The following PSMC3 variants were observed in gnomAD, a reference collection of about 807,000 sequenced individuals.
The protein encoded by PSMC3 is proteasome 26S subunit, ATPase 3.
PSMC3 carries 11 observed loss-of-function variants against 52.0 expected under a neutral mutation model. That is an observed-to-expected ratio of 0.21 (90% CI 0.13 to 0.35). PSMC3 has a LOEUF of 0.35. Among genes scored for constraint, PSMC3 ranks in the 10% least tolerant of loss-of-function variants. PSMC3 has a pLI of 1.00. For missense variants in PSMC3, 238 were observed against 567.1 expected, an observed-to-expected ratio of 0.42 and a Z score of 5.89; for synonymous variants, 201 against 218.8, an observed-to-expected ratio of 0.92 and a Z score of 0.72.
At position 47,426,360 on chromosome 11, in the gene PSMC3, T is replaced by A; in HGVS notation, c.-81A>T. 1 of 1,295,660 alleles carries A rather than the reference T, an allele frequency of 7.7e-7. No individual in the cohort carries two copies. The highest frequency in any genetic ancestry group is 1.1e-6 in the Non-Finnish European group (1 of 942,932). 80.3% of individuals were successfully genotyped at this position (1,295,660 alleles called of 1,614,324 possible). ...ATACCGTCTTTCTTAAAGCCTTCTCTTGACCAGTGGAAAACCTCTCCCCAC... is the reference window on the plus strand; with the variant it reads ...ATACCGTCTTTCTTAAAGCCTTCTCATGACCAGTGGAAAACCTCTCCCCAC... On this transcript the variant is annotated 5_prime_UTR_variant, in exon 1 of 12. It adds an upstream start codon to the 5' untranslated region. Transcript: ENST00000298852.
At chr11:47,420,214 TC>T (rs767730680) in intron 10 of PSMC3, 49 bp downstream of exon 10, 1 of 1,598,412 alleles carries the variant, frequency 6.3e-7, no homozygotes, top group Non-Finnish European at 8.6e-7. Context: ...GGCAGAGACA[TC>T]CTCCTGCGCC....
At chr11:47,419,267 C>T (rs2096037088) in intron 10 of PSMC3, 70 bp from the exon 11 acceptor site, 2 of 1,522,008 alleles carry the variant, frequency 1.3e-6, no homozygotes, top group Non-Finnish European at 1.8e-6. Flanking sequence ...AATATCCTCC[C>T]CTGGCCCCGT....
chr11:47,422,785 T>G lies in PSMC3; in HGVS notation c.735+45A>C. On this transcript the variant is annotated intron_variant, in intron 7 of 11. Transcript: ENST00000298852. This position sits in a 1 kb window ranked among gnomAD's most constrained non-coding sequence, Gnocchi z 4.3. ...ACCCTTTGAGCCCATCTGGTAGAGT[T>G]TCTGCTCCTGCCCACTTCCCCCGCA... The G allele has an allele frequency of 6.2e-7, 1 of 1,606,078 alleles. No homozygotes were observed. Among genetic ancestry groups the G allele is most frequent in the Non-Finnish European group, 8.5e-7 (1 of 1,174,064 alleles).
chr11:47,423,912 G>A (rs2096043604), intron 6 of PSMC3, 134 bp downstream of exon 6: 8 of 1,274,182 alleles, frequency 6.3e-6, no homozygotes, highest in Non-Finnish European at 8.9e-6. Flanking sequence ...CTCCTCACCT[G>A]TCACATGGCA....
At position 47,424,290 on chromosome 11, in the gene PSMC3, A is replaced by G; in HGVS notation, c.454-107T>C. 1 of 1,564,012 alleles carries G rather than the reference A, an allele frequency of 6.4e-7. No individual in the cohort carries two copies. Among genetic ancestry groups the G allele is most frequent in the South Asian group, 1.1e-5 (1 of 89,848 alleles). On this transcript the variant is annotated intron_variant, in intron 5 of 11. Coordinates refer to ENST00000298852, the MANE Select transcript of PSMC3 (RefSeq NM_002804.5). The surrounding 1 kb of genome is among the most constrained non-coding windows in gnomAD (Gnocchi z 4.8). ...GAAAGACACAGGACTGGGCAATACA[A>G]GAATCAAACAGCAAGTAGACAGAAT...
In PSMC3 at chr11:47,420,153, C is replaced by T. The variant is rs1349744463; in HGVS notation, c.1127+111G>A. 37 of 1,297,442 alleles carry T rather than the reference C, an allele frequency of 2.9e-5. 2 individuals carry two copies. The Admixed American group carries it at 5.3e-4, about 18-fold the overall frequency. 80.4% of individuals were successfully genotyped at this position (1,297,442 alleles called of 1,614,324 possible). A position where few individuals can be genotyped will look rare whatever the true frequency, so the allele number is the denominator to read the frequency against. On this transcript the variant is annotated intron_variant, in intron 10 of 11. Transcript: ENST00000298852. ...GGAACGGTGCTGTGTGTGCCTGGGG[C>T]CTGGGAGGTGGTGGTCGTGGAGGCT...
chr11:47,420,047 G>A (rs2096038507), intron 10 of PSMC3, among the ~76,000 whole-genome samples: 1 of 152,078 alleles, frequency 6.6e-6, no homozygotes, highest in African/African-American at 2.4e-5. Flanking sequence ...GGAGTCTAAG[G>A]AGCAGAGCAC....
Position 47,420,733 on chromosome 11 carries a change from G to A in PSMC3, c.885-6C>T. ...CAGCCTTCTCACTGTCAAAGCTAGG[G>A]CACAGGAAGCCCGAGATGCTGGTGA... On this transcript the variant is annotated splice_polypyrimidine_tract_variant and splice_region_variant and intron_variant, in intron 8 of 11. Coordinates refer to ENST00000298852, the MANE Select transcript of PSMC3 (RefSeq NM_002804.5). 1.3e-6 allele frequency: 2 copies of A among 1,555,230 alleles called. No homozygotes were observed. The highest frequency in any genetic ancestry group is 1.7e-4 in the Middle Eastern group (1 of 6,000).
Sources: gnomAD v4.1 joint callset for allele counts (sites outside exome capture counted in the v4.1 genomes callset) on GRCh38, gnomAD v4.1.1 for gene constraint, Gnocchi (gnomAD v3.1) non-coding constraint, MANE v1.5 for transcripts, NCBI Gene and HGNC (gene_info 2026-07-23, HGNC 2026-07-21) for gene names.